Variants in STK10 observed in about 807,000 individuals in gnomAD.
STK10 encodes the protein serine/threonine-protein kinase 10.
STK10 carries 78 observed loss-of-function variants against 113.8 expected under a neutral mutation model. The ratio of observed to expected loss-of-function variants is 0.69; its 90% CI spans 0.57 to 0.83. The LOEUF (loss-of-function observed/expected upper bound fraction) is 0.83. Among genes scored for constraint, STK10 ranks in the 40% least tolerant of loss-of-function variants. The probability of loss-of-function intolerance (pLI) is 0.00; values close to 1 mark genes in which losing one functional copy is unlikely to be tolerated. For missense variants in STK10, 1,109 were observed against 1,280.1 expected, an observed-to-expected ratio of 0.87 and a Z score of 2.04; for synonymous variants, 465 against 494.7, an observed-to-expected ratio of 0.94 and a Z score of 0.80.
At chr5:172,051,840 AG>A (rs1767636765) in intron 18 of STK10, among the ~76,000 whole-genome samples, 1 of 152,122 alleles carries the variant, frequency 6.6e-6, no homozygotes, top group Non-Finnish European at 1.5e-5. Context: ...TGACCATGCC[AG>A]CAGCGGCTGC....
rs1769122160 is a variant in STK10 at position 172,106,757 on chromosome 5, T to A, written c.651A>T (p.Lys217Asn). The change falls in exon 6 of 19, where the codon AAA (lysine) becomes AAT (asparagine). Residue 217 changes from lysine (K) to asparagine (N), a missense_variant. Physicochemically the swap from Lys to Asn is moderately conservative, Grantham distance 94. Around this residue, in one of 5 missense-constraint regions of STK10, gnomAD observed 885 missense variants for 991.1 expected, o/e 0.89. Transcript: ENST00000176763. ...ETMKDTPYDYKADIWSLGITL... is the reference protein window; with the variant it reads ...ETMKDTPYDYNADIWSLGITL... ...TGATGCCCAGGGACCAGATGTCGGC[T>A]TTGTAGTCGTAGGGCGTGTCTTTCA... 1 of 1,614,072 alleles carries A rather than the reference T, an allele frequency of 6.2e-7. No homozygotes were observed. Among genetic ancestry groups the A allele is most frequent in the African/African-American group, 1.3e-5 (1 of 74,930 alleles).
chr5:172,093,698 T>A lies in STK10; in HGVS notation c.1268A>T (p.Gln423Leu). The change falls in exon 9 of 19, where the codon CAG becomes CTG. Residue 423 changes from glutamine to leucine, a missense_variant. Around this residue, in one of 5 missense-constraint regions of STK10, gnomAD observed 885 missense variants for 991.1 expected, o/e 0.89. Coordinates refer to ENST00000176763, the MANE Select transcript of STK10 (RefSeq NM_005990.4). This position sits in a 1 kb window ranked among gnomAD's most constrained non-coding sequence, Gnocchi z 4.1. ...AGCAACTTGCTTCTCCTGGGCTACC[T>A]GAATTCTGGCATCCATTGACACGGG... ...SRPVSMDARI[Q>L]VAQEKQVAEQ... The A allele has an allele frequency of 6.2e-7, 1 of 1,614,242 alleles. No homozygotes were observed. The highest frequency in any genetic ancestry group is 8.5e-7 in the Non-Finnish European group (1 of 1,180,018).
At chr5:172,127,168 T>A (rs1769638960) in intron 3 of STK10, among the ~76,000 whole-genome samples, 2 of 151,800 alleles carry the variant, frequency 1.3e-5, no homozygotes, top group African/African-American at 4.8e-5. Flanking sequence ...CAAGACTCTG[T>A]CTCAAAAAGA....
At chr5:172,180,088 G>A (rs922495347) in intron 1 of STK10, among the ~76,000 whole-genome samples, 2 of 152,216 alleles carry the variant, frequency 1.3e-5, no homozygotes, top group African/African-American at 2.4e-5. Flanking sequence ...AGAGACAAAG[G>A]GGACCTGTAT....
chr5:172,113,850 T>A (rs748043442), intron 4 of STK10, among the ~76,000 whole-genome samples: 27 of 152,122 alleles, frequency 1.8e-4, no homozygotes, highest in Non-Finnish European at 2.2e-4. Context: ...GAGGCAGCGG[T>A]TGTGGAGAGC....
intron 13 of STK10, 25 bp from the exon 14 acceptor site, chr5:172,061,293 C>CT: frequency 6.3e-7 from 1 of 1,595,730 alleles, no homozygotes; most frequent in Non-Finnish European, 8.5e-7. Context: ...GAGGACAGGC[C>CT]TTTATCCAGA....
rs1464092043 is a variant in STK10 at position 172,064,741 on chromosome 5, G to A, written c.2061C>T (p.His687=). The A allele has an allele frequency of 3.1e-6, 5 of 1,614,008 alleles. No individual in the cohort carries two copies. Among genetic ancestry groups the A allele is most frequent in the Non-Finnish European group, 3.4e-6 (4 of 1,180,024 alleles). ...KESMKQKMEE[H]TQKKQLLDRD... ...TCACAAGAAGCTGCTTTTTCTGCGT[G>A]TGCTCCTCCATCTTCTGCTTCATGC... The change falls in exon 13 of 19, where the codon CAC becomes CAT. Residue 687 remains histidine (H), a synonymous_variant. Coordinates refer to ENST00000176763, the MANE Select transcript of STK10 (RefSeq NM_005990.4).
At chr5:172,179,763 C>G (rs942637088) in intron 1 of STK10, among the ~76,000 whole-genome samples, 3 of 152,186 alleles carry the variant, frequency 2.0e-5, no homozygotes, top group Admixed American at 6.5e-5. Context: ...GGCCAGATCT[C>G]TTTCCGGAGG....
chr5:172,099,099 C>G (rs1768922553), intron 7 of STK10, among the ~76,000 whole-genome samples: 1 of 152,082 alleles, frequency 6.6e-6, no homozygotes, highest in East Asian at 1.9e-4. Context: ...CGACCATTAC[C>G]ATCACCACCA....
Position 172,096,419 on chromosome 5 carries a change from G to T in STK10, c.1005+7C>A. 2 of 1,611,098 alleles carry T rather than the reference G, an allele frequency of 1.2e-6. No individual in the cohort carries two copies. The highest frequency in any genetic ancestry group is 8.5e-7 in the Non-Finnish European group (1 of 1,179,912). On this transcript the variant is annotated splice_region_variant and intron_variant, in intron 8 of 18. Transcript: ENST00000176763. Reference sequence around the variant, plus strand: ...CCCCCGCTAAGCCCCACTCTCCCTGGCCTTACGGAGGCGGCATCCACGGCG... The same window carrying T: ...CCCCCGCTAAGCCCCACTCTCCCTGTCCTTACGGAGGCGGCATCCACGGCG...
At chr5:172,059,440 A>G in intron 14 of STK10, among the ~76,000 whole-genome samples, 1 of 150,352 alleles carries the variant, frequency 6.7e-6, no homozygotes, top group African/African-American at 2.4e-5. Flanking sequence ...ATCTCAAAAA[A>G]AAAAAAAAAA....
intron 1 of STK10, among the ~76,000 whole-genome samples, chr5:172,180,731 C>T (rs1389505663): frequency 6.6e-6 from 1 of 152,050 alleles, no homozygotes; most frequent in Non-Finnish European, 1.5e-5. Flanking sequence ...ATCACTTGAA[C>T]CCAGGAAGCA....
At chr5:172,085,448 G>C (rs139083101) in intron 10 of STK10, among the ~76,000 whole-genome samples, 2,162 of 152,076 alleles carry the variant, frequency 0.014, 48 homozygotes, top group African/African-American at 0.048. Flanking sequence ...CAGCACTTTG[G>C]GGGGCTGAGG....
chr5:172,153,318 A>AGAGAGAGAGAGAGAGAGAGAGAGAGAGAG (rs1561828316), intron 2 of STK10, among the ~76,000 whole-genome samples: 1 of 119,768 alleles, frequency 8.3e-6, no homozygotes, highest in African/African-American at 3.8e-5. Context: ...GAAAGAAAGA[A>AGAGAGAGAGAGAGAGAGAGAGAGAGAGAG]AGAAAGAAAT....
intron 12 of STK10, among the ~76,000 whole-genome samples, chr5:172,069,173 G>A (rs563859632): frequency 6.6e-6 from 1 of 151,458 alleles, no homozygotes; most frequent in South Asian, 2.1e-4. Flanking sequence ...AAAAACCAAA[G>A]GAGACAAAAC....
chr5:172,106,655 C>CT lies in STK10; in HGVS notation c.752dup (p.Ser252ValfsTer11), dbSNP rs757646144. The CT allele has an allele frequency of 1.7e-5, 28 of 1,613,328 alleles. No homozygotes were observed. Among genetic ancestry groups the CT allele is most frequent in the Non-Finnish European group, 8.5e-7 (1 of 1,180,014 alleles). ...GCGTGAGCAGCGTGGGAGGGTCCGA[C>CT]TTGGCGATCTTTAGCAGGACCCGCA... On this transcript the variant is annotated frameshift_variant, in exon 6 of 19. Transcript: ENST00000176763. LOFTEE classifies it high-confidence loss of function.
chr5:172,128,590 C>G (rs990325830), intron 2 of STK10, among the ~76,000 whole-genome samples: 1 of 152,226 alleles, frequency 6.6e-6, no homozygotes, highest in Non-Finnish European at 1.5e-5. Context: ...CCTGGCCTCC[C>G]AAAGTGCTGG....
intron 7 of STK10, among the ~76,000 whole-genome samples, chr5:172,103,587 C>T (rs1769040235): frequency 6.6e-6 from 1 of 152,118 alleles, no homozygotes; most frequent in African/African-American, 2.4e-5. Flanking sequence ...CTCGACCCCA[C>T]CCACTTCGGG....
At chr5:172,146,101 TTATTGTC>T (rs1018904220) in intron 2 of STK10, among the ~76,000 whole-genome samples, 6 of 152,280 alleles carry the variant, frequency 3.9e-5, no homozygotes, top group African/African-American at 1.4e-4. Flanking sequence ...CGCCTTACTT[TTATTGTC>T]TGTTGTCTGC....
Sources: gnomAD v4.1 joint callset for allele counts (sites outside exome capture counted in the v4.1 genomes callset) on GRCh38, gnomAD v4.1.1 for gene constraint, gnomAD v4.1.1 regional missense constraint, Gnocchi (gnomAD v3.1) non-coding constraint, MANE v1.5 for transcripts, NCBI Gene and HGNC (gene_info 2026-07-23, HGNC 2026-07-21) for gene names.